The following DGKH variants were observed in gnomAD, a reference collection of about 807,000 sequenced individuals.
DGKH encodes diacylglycerol kinase eta.
A neutral mutation model predicts 159.3 loss-of-function variants in DGKH; 90 were observed. That is an observed-to-expected ratio of 0.57 (90% CI 0.48 to 0.67). DGKH has a LOEUF of 0.67. DGKH is among the 30% of genes least tolerant of loss of function. DGKH has a pLI of 0.00. For synonymous variants in DGKH, 536 were observed against 553.8 expected, an observed-to-expected ratio of 0.97 and a Z score of 0.45; for missense variants, 1,181 against 1,506.1, an observed-to-expected ratio of 0.78 and a Z score of 3.57.
At chr13:42,158,029 G>A (rs1956085522) in intron 5 of DGKH, among the ~76,000 whole-genome samples, 1 of 152,210 alleles carries the variant, frequency 6.6e-6, no homozygotes, top group South Asian at 2.1e-4. Context: ...AGAGTGCTGG[G>A]ATTACAGGCG....
At chr13:42,218,012 G>A (rs998254485) in intron 26 of DGKH, among the ~76,000 whole-genome samples, 5 of 152,148 alleles carry the variant, frequency 3.3e-5, no homozygotes, top group African/African-American at 1.2e-4. Context: ...TCCAGCCTGG[G>A]CAACAGAACA....
At chr13:42,220,313 T>TC (rs1466378600) in intron 28 of DGKH, among the ~76,000 whole-genome samples, 3 of 152,210 alleles carry the variant, frequency 2.0e-5, no homozygotes, top group Non-Finnish European at 1.5e-5. Flanking sequence ...TTTCAACCCC[T>TC]CGACAATGAC....
At position 42,155,293 on chromosome 13, in the gene DGKH, C is replaced by A; in HGVS notation, c.387C>A (p.Ile129=). 6.3e-7 allele frequency: 1 copy of A among 1,590,166 alleles called. No individual in the cohort carries two copies. The highest frequency in any genetic ancestry group is 1.2e-5 in the South Asian group (1 of 85,634). The change falls in exon 4 of 30, where the codon ATC becomes ATA. Residue 129 remains isoleucine, a splice_region_variant and synonymous_variant. Coordinates refer to ENST00000337343, the MANE Select transcript of DGKH (RefSeq NM_178009.5). ...STKNANNSFT[I]ITPFRRLMLC... ...TTAGATTGAATTATCCCTTTCAGATCATCACTCCATTCAGAAGGCTAATGC... is the reference window on the plus strand; with the variant it reads ...TTAGATTGAATTATCCCTTTCAGATAATCACTCCATTCAGAAGGCTAATGC...
At chr13:42,085,925 A>G (rs1954292122) in intron 1 of DGKH, among the ~76,000 whole-genome samples, 1 of 151,376 alleles carries the variant, frequency 6.6e-6, no homozygotes, top group Non-Finnish European at 1.5e-5. Context: ...CTATTAAACT[A>G]AGTTTTTTTT....
At position 42,059,949 on chromosome 13, in the gene DGKH, A is replaced by G. The variant is rs150580962; in HGVS notation, c.192+10984A>G. Among the ~76,000 whole-genome samples the G allele has an allele frequency of 5.3e-3, 776 of 146,782 alleles. 4 individuals carry two copies. Among genetic ancestry groups the G allele is most frequent in the African/African-American group, 0.019 (740 of 39,726 alleles). ...TATATAGAGTCTCACTCTGTCATTC[A>G]GGCTGGAGTACAGTGGCACAATCTT... is the stretch of plus-strand genomic sequence containing the variant. On this transcript the variant is annotated intron_variant, in intron 1 of 29. Coordinates refer to ENST00000337343, the MANE Select transcript of DGKH (RefSeq NM_178009.5).
intron 1 of DGKH, among the ~76,000 whole-genome samples, chr13:42,051,465 G>A (rs1342028543): frequency 6.6e-6 from 1 of 151,976 alleles, no homozygotes; most frequent in Non-Finnish European, 1.5e-5. Flanking sequence ...AGAGCAATAG[G>A]GGGAATTTAT....
intron 1 of DGKH, among the ~76,000 whole-genome samples, chr13:42,083,319 G>A (rs1372860152): frequency 6.6e-6 from 1 of 151,968 alleles, no homozygotes; most frequent in Non-Finnish European, 1.5e-5. Context: ...GTGGTGATGC[G>A]AGGGTGTGGT....
chr13:42,255,024 A>G (rs1442230699), intron 30 of DGKH, among the ~76,000 whole-genome samples: 2 of 152,046 alleles, frequency 1.3e-5, no homozygotes, highest in South Asian at 4.2e-4. Context: ...TATCTTGTAT[A>G]TATTGGGGTA....
intron 3 of DGKH, among the ~76,000 whole-genome samples, chr13:42,147,947 C>T (rs1263917731): frequency 6.6e-6 from 1 of 152,120 alleles, no homozygotes; most frequent in East Asian, 1.9e-4. Context: ...TTCTTGCTCA[C>T]CATTTAAAAA....
chr13:42,169,781 G>A (rs932154604), intron 11 of DGKH, among the ~76,000 whole-genome samples: 1 of 152,156 alleles, frequency 6.6e-6, no homozygotes, highest in African/African-American at 2.4e-5. Context: ...CTGGGAAATA[G>A]AACATTTGTC....
At chr13:42,181,539 G>T in intron 13 of DGKH, 1 of 219,190 alleles carries the variant, frequency 4.6e-6, no homozygotes. Context: ...CATCACCCTA[G>T]TTCTGGGAAC....
At chr13:42,104,940 C>A (rs1954718984) in intron 1 of DGKH, among the ~76,000 whole-genome samples, 1 of 151,872 alleles carries the variant, frequency 6.6e-6, no homozygotes, top group African/African-American at 2.4e-5. Context: ...AAAAAAGTTC[C>A]AAAATGCTTT....
In DGKH at chr13:42,114,300, T is replaced by G. The variant is rs191069077; in HGVS notation, c.193-13163T>G. Among the ~76,000 whole-genome samples the G allele has an allele frequency of 1.9e-4, 29 of 152,216 alleles. No homozygotes were observed. The East Asian group carries it at 5.4e-3, about 28-fold the overall frequency. ...CTAGAGTTCTTACAGTGCTGCTGGG[T>G]TCCTGCCAAGGGTCTGCCTGAAGAG... On this transcript the variant is annotated intron_variant, in intron 1 of 29. Transcript: ENST00000337343.
intron 13 of DGKH, among the ~76,000 whole-genome samples, chr13:42,185,486 T>C (rs1009226185): frequency 1.3e-5 from 2 of 152,188 alleles, no homozygotes; most frequent in African/African-American, 2.4e-5. Context: ...GCTCTGTCTC[T>C]AGGAGTGAAT....
At chr13:42,080,602 G>A (rs374372233) in intron 1 of DGKH, among the ~76,000 whole-genome samples, 13 of 152,142 alleles carry the variant, frequency 8.5e-5, no homozygotes, top group South Asian at 4.2e-4. Context: ...TTTTAGATTC[G>A]GAAAAGGCTA....
At chr13:42,222,633 T>C (rs2138255737) in intron 29 of DGKH, among the ~76,000 whole-genome samples, 1 of 152,294 alleles carries the variant, frequency 6.6e-6, no homozygotes, top group East Asian at 1.9e-4. Flanking sequence ...AACATGTTTT[T>C]GTAACTTCTG....
chr13:42,199,934 A>G (rs1406852409), intron 20 of DGKH, 25 bp downstream of exon 20: 2 of 1,563,606 alleles, frequency 1.3e-6, no homozygotes, highest in Non-Finnish European at 1.7e-6. Context: ...AAGTAAAGAT[A>G]TTTCATATTA....
chr13:42,082,691 G>A (rs1954223400), intron 1 of DGKH, among the ~76,000 whole-genome samples: 1 of 152,160 alleles, frequency 6.6e-6, no homozygotes, highest in African/African-American at 2.4e-5. Context: ...GTTCTAGAAT[G>A]CTGTCTAAAT....
chr13:42,126,329 G>A (rs753090842), intron 1 of DGKH, among the ~76,000 whole-genome samples: 10 of 152,264 alleles, frequency 6.6e-5, no homozygotes, highest in South Asian at 2.1e-4. Flanking sequence ...TGTGAAACAC[G>A]CAGTTACTCA....
Sources: gnomAD v4.1 joint callset for allele counts (sites outside exome capture counted in the v4.1 genomes callset) on GRCh38, gnomAD v4.1.1 for gene constraint, MANE v1.5 for transcripts, NCBI Gene and HGNC (gene_info 2026-07-23, HGNC 2026-07-21) for gene names.